CNTNAP2: variants seen among roughly 807,000 people sequenced by gnomAD.
CNTNAP2 encodes the protein contactin associated protein 2, also known as contactin-associated protein-like 2.
A neutral mutation model predicts 155.2 loss-of-function variants in CNTNAP2; 98 were observed. The observed-to-expected ratio is 0.63, with a 90% CI of 0.54 to 0.75. CNTNAP2 has a LOEUF of 0.75. CNTNAP2 is among the 30% of genes least tolerant of loss of function. The pLI is 0.00. For missense variants in CNTNAP2, 1,727 were observed against 1,688.1 expected (o/e 1.02, Z -0.40); for synonymous variants, 651 against 631.2 (o/e 1.03, Z -0.47).
intron 5 of CNTNAP2, among the ~76,000 whole-genome samples, chr7:147,111,039 T>A (rs1269990280): frequency 2.0e-5 from 3 of 152,212 alleles, no homozygotes; most frequent in Non-Finnish European, 4.4e-5. Flanking sequence ...CAGCATCTGT[T>A]GTTTTTTGAC....
intron 1 of CNTNAP2, among the ~76,000 whole-genome samples, chr7:146,498,042 G>C (rs1275218599): frequency 6.6e-6 from 1 of 152,062 alleles, no homozygotes; most frequent in Admixed American, 6.6e-5. Flanking sequence ...AGTAAGAGAA[G>C]TTAAAGGTAC....
At chr7:146,699,290 A>G (rs1800835647) in intron 1 of CNTNAP2, among the ~76,000 whole-genome samples, 1 of 152,194 alleles carries the variant, frequency 6.6e-6, no homozygotes, top group South Asian at 2.1e-4. Flanking sequence ...TATATGTGAC[A>G]GAGACTAAAA....
intron 5 of CNTNAP2, among the ~76,000 whole-genome samples, chr7:147,114,441 A>ATCTAAG (rs1800944115): frequency 6.6e-6 from 1 of 152,158 alleles, no homozygotes; most frequent in African/African-American, 2.4e-5. Flanking sequence ...TTGTGTAGGA[A>ATCTAAG]TCTAAGTCTC....
intron 9 of CNTNAP2, among the ~76,000 whole-genome samples, chr7:147,322,508 T>A (rs1321186653): frequency 6.6e-6 from 1 of 152,052 alleles, no homozygotes. Context: ...TGCATCAGTG[T>A]TCATCAAGGA....
intron 1 of CNTNAP2, among the ~76,000 whole-genome samples, chr7:146,766,981 G>T (rs1802206515): frequency 6.6e-6 from 1 of 152,166 alleles, no homozygotes; most frequent in South Asian, 2.1e-4. Flanking sequence ...TGAATTTATT[G>T]TATTCACTTA....
rs115446931 is a variant in CNTNAP2, at chr7:146,364,119, T to A, written c.97+247146T>A. Reference sequence around the variant, plus strand: ...TATGCTAAATGTTTTACATATGTTATTTCAAGTAATTCTTTCAAAATTTTA... The same window carrying A: ...TATGCTAAATGTTTTACATATGTTAATTCAAGTAATTCTTTCAAAATTTTA... On this transcript the variant is annotated intron_variant, in intron 1 of 23. Coordinates refer to ENST00000361727, the MANE Select transcript of CNTNAP2 (RefSeq NM_014141.6). Among the ~76,000 whole-genome samples, 760 of 152,326 alleles carry A rather than the reference T, an allele frequency of 5.0e-3. 4 individuals carry two copies. The highest frequency in any genetic ancestry group is 0.017 in the African/African-American group (718 of 41,568).
chr7:147,414,544 T>A (rs1315387505), intron 10 of CNTNAP2, among the ~76,000 whole-genome samples: 1 of 152,132 alleles, frequency 6.6e-6, no homozygotes, highest in Admixed American at 6.5e-5. Flanking sequence ...ATCAGCAGCT[T>A]TTTCTTAATT....
chr7:147,941,372 CA>C lies in CNTNAP2; in HGVS notation c.2256-36489del, dbSNP rs1800718786. Among the ~76,000 whole-genome samples the C allele has an allele frequency of 3.3e-5, 5 of 152,282 alleles. No individual in the cohort carries two copies. The South Asian group carries it at 1.0e-3, about 32-fold the overall frequency. ...AGGCTCGACATTATAGAATCTGCCT[CA>C]TACTAGGATTCCCAGTAGCTTTTCT... On this transcript the variant is annotated intron_variant, in intron 14 of 23. Coordinates refer to ENST00000361727, the MANE Select transcript of CNTNAP2 (RefSeq NM_014141.6).
intron 1 of CNTNAP2, among the ~76,000 whole-genome samples, chr7:146,564,990 G>C (rs910913368): frequency 6.6e-6 from 1 of 152,038 alleles, no homozygotes; most frequent in East Asian, 1.9e-4. Flanking sequence ...CTAAACTTAG[G>C]TCTTCTGATT....
intron 13 of CNTNAP2, among the ~76,000 whole-genome samples, chr7:147,874,100 T>C (rs1009055050): frequency 1.3e-5 from 2 of 152,206 alleles, no homozygotes; most frequent in African/African-American, 4.8e-5. Flanking sequence ...TTTCATGGGC[T>C]GGCGTTGAAC....
At chr7:146,746,703 T>G (rs1007153149) in intron 1 of CNTNAP2, among the ~76,000 whole-genome samples, 1 of 152,140 alleles carries the variant, frequency 6.6e-6, no homozygotes, top group Non-Finnish European at 1.5e-5. Context: ...TACTGGTAAT[T>G]ACAGTTAACT....
At chr7:146,887,347 T>G (rs773557061) in intron 3 of CNTNAP2, among the ~76,000 whole-genome samples, 18 of 152,024 alleles carry the variant, frequency 1.2e-4, no homozygotes, top group East Asian at 3.9e-4. Context: ...GTTTTGTTTT[T>G]TTGTATTTTT....
At chr7:148,181,149 G>A (rs1311303747) in intron 18 of CNTNAP2, among the ~76,000 whole-genome samples, 3 of 152,220 alleles carry the variant, frequency 2.0e-5, no homozygotes, top group South Asian at 2.1e-4. Context: ...GGACTTGGAC[G>A]GAGCCACACC....
At chr7:147,900,074 T>C (rs4431523) in intron 13 of CNTNAP2, among the ~76,000 whole-genome samples, 45,949 of 151,928 alleles carry the variant, frequency 0.3, 7,094 homozygotes, top group Middle Eastern at 0.43. Context: ...AAACTCTTAG[T>C]TCCCCATCTT....
chr7:147,126,887 C>T (rs1801251134), intron 6 of CNTNAP2, among the ~76,000 whole-genome samples: 1 of 152,124 alleles, frequency 6.6e-6, no homozygotes, highest in African/African-American at 2.4e-5. Context: ...TTAACTTGAG[C>T]CTGCATTGCT....
intron 1 of CNTNAP2, among the ~76,000 whole-genome samples, chr7:146,704,322 G>C (rs1019959721): frequency 5.9e-5 from 9 of 152,096 alleles, no homozygotes; most frequent in African/African-American, 1.9e-4. Flanking sequence ...CTAGTAGTGA[G>C]ATACAGAGAA....
At chr7:146,340,289 T>TG (rs1801359260) in intron 1 of CNTNAP2, among the ~76,000 whole-genome samples, 1 of 124,332 alleles carries the variant, frequency 8.0e-6, no homozygotes, top group African/African-American at 4.0e-5. Context: ...TGTTGTTGTT[T>TG]TTTTTTTTTT....
chr7:147,787,149 G>A (rs914737549), intron 13 of CNTNAP2, among the ~76,000 whole-genome samples: 16 of 152,186 alleles, frequency 1.1e-4, no homozygotes, highest in Non-Finnish European at 2.2e-4. Flanking sequence ...ACCTGCAGGT[G>A]TGCGCTTTCA....
intron 1 of CNTNAP2, among the ~76,000 whole-genome samples, chr7:146,523,025 T>C (rs1327262143): frequency 6.6e-6 from 1 of 151,882 alleles, no homozygotes; most frequent in African/African-American, 2.4e-5. Context: ...TTTATTGGGG[T>C]ACCGGTAGTA....
Sources: allele counts gnomAD v4.1 joint callset (sites outside exome capture counted in the v4.1 genomes callset), GRCh38; gene constraint gnomAD v4.1.1; transcripts MANE v1.5; gene names NCBI Gene and HGNC (gene_info 2026-07-23, HGNC 2026-07-21).